LRRC15: variants seen among roughly 807,000 people sequenced by gnomAD.
LRRC15 encodes leucine-rich repeat-containing protein 15.
In LRRC15, 5 loss-of-function variants were observed where a neutral mutation model predicts 4.3. The observed-to-expected ratio is 1.16, with a 90% CI of 0.61 to 2.44. LRRC15 has a LOEUF of 2.44. Among genes scored for constraint, LRRC15 ranks in the 30% most tolerant of loss-of-function variants. The pLI, the probability that LRRC15 is intolerant of heterozygous loss-of-function variation, is 0.01. For synonymous variants in LRRC15, 337 were observed against 323.2 expected, an observed-to-expected ratio of 1.04 and a Z score of -0.46; for missense variants, 769 against 747.0, an observed-to-expected ratio of 1.03 and a Z score of -0.34.
chr3:194,369,077 C>A (rs1477243101), intron 1 of LRRC15, among the ~76,000 whole-genome samples: 1 of 152,206 alleles, frequency 6.6e-6, no homozygotes, highest in Admixed American at 6.5e-5. Context: ...AACTGCAAAC[C>A]AGGGACCAGC....
rs141299685 is a variant in LRRC15 at position 194,359,432 on chromosome 3, C to T, written c.1612G>A (p.Gly538Arg). Reference protein sequence around the residue: ...SVWGMTQAQSGLAIAAIVIGI... With the variant: ...SVWGMTQAQSRLAIAAIVIGI... ...ATTACAATGGCGGCAATGGCCAGCC[C>T]GCTCTGGGCCTGGGTCATGCCCCAA... Residue 538 changes from glycine (G) to arginine (R), a missense_variant, in exon 2 of 2, where the codon GGG becomes AGG. Gly to Arg is a moderately radical substitution (Grantham distance 125, BLOSUM62 -2). Coordinates refer to ENST00000347624, the MANE Select transcript of LRRC15 (RefSeq NM_130830.5). 61 of 1,614,108 alleles carry T rather than the reference C, an allele frequency of 3.8e-5. No homozygotes were observed. The highest frequency in any genetic ancestry group is 1.6e-4 in the African/African-American group (12 of 74,960).
chr3:194,358,011 G>T lies in LRRC15; in HGVS notation c.*1287C>A, dbSNP rs1010070017. On this transcript the variant is annotated 3_prime_UTR_variant, in exon 2 of 2. Coordinates refer to ENST00000347624, the MANE Select transcript of LRRC15 (RefSeq NM_130830.5). ...CTGCAGTCAGGATGCTTCTGACCTG[G>T]CCAGCCATGGTGCCCCAGGTCTCAG... 6.6e-6 allele frequency: 1 copy of T among 152,302 alleles called. No homozygotes were observed. Among genetic ancestry groups the T allele is most frequent in the African/African-American group, 2.4e-5 (1 of 41,456 alleles). The allele number at this position is 152,302 out of a possible 1,614,324, so 9.4% of individuals were successfully genotyped here. A position where few individuals can be genotyped will look rare whatever the true frequency, so the allele number is the denominator to read the frequency against.
Position 194,360,928 on chromosome 3 carries a change from C to T in LRRC15, c.116G>A (p.Cys39Tyr), listed in dbSNP as rs374709723. 6.3e-7 allele frequency: 1 copy of T among 1,597,508 alleles called. No individual in the cohort carries two copies. The highest frequency in any genetic ancestry group is 8.5e-7 in the Non-Finnish European group (1 of 1,172,950). The change falls in exon 2 of 2, where the codon TGC becomes TAC. Residue 39 changes from cysteine (C) to tyrosine (Y), a missense_variant. Transcript: ENST00000347624. ...CTCSRASQVE[C>Y]TGARIVAVPT... ...CACTGCCACAATGCGTGCCCCGGTG[C>T]ACTCCACCTGGGAGGCCCTGGAGCA...
chr3:194,362,639 C>G (rs1713663051), intron 1 of LRRC15, among the ~76,000 whole-genome samples: 1 of 152,168 alleles, frequency 6.6e-6, no homozygotes, highest in African/African-American at 2.4e-5. Context: ...CTCCAGACCC[C>G]TGAGGAAGTA....
chr3:194,365,504 C>T (rs1560047777), intron 1 of LRRC15, among the ~76,000 whole-genome samples: 1 of 152,154 alleles, frequency 6.6e-6, no homozygotes, highest in Non-Finnish European at 1.5e-5. Context: ...TGGAGGGAGG[C>T]TGGAAGACCA....
chr3:194,360,472 C>T lies in LRRC15; in HGVS notation c.572G>A (p.Arg191Lys). The part of the protein sequence containing the change: ...GKNSLTHISP[R>K]VFQHLGNLQV... Reference sequence around the variant, plus strand: ...GAGGTTGCCCAGGTGCTGGAAGACCCTGGGTGAGATGTGGGTGAGGCTATT... The same window carrying T: ...GAGGTTGCCCAGGTGCTGGAAGACCTTGGGTGAGATGTGGGTGAGGCTATT... The change falls in exon 2 of 2, where the codon AGG becomes AAG. Residue 191 changes from arginine to lysine, a missense_variant. Transcript: ENST00000347624. The T allele has an allele frequency of 6.2e-7, 1 of 1,614,126 alleles. No homozygotes were observed. The highest frequency in any genetic ancestry group is 8.5e-7 in the Non-Finnish European group (1 of 1,180,014).
chr3:194,367,795 G>T (rs1049197029), intron 1 of LRRC15, among the ~76,000 whole-genome samples: 4 of 152,236 alleles, frequency 2.6e-5, no homozygotes, highest in South Asian at 4.1e-4. Context: ...GCGGGGACCC[G>T]CGTCTCTCAT....
rs116058101 is a variant in LRRC15, at chr3:194,359,595, A to T, written c.1449T>A (p.Ser483Arg). Residue 483 changes from serine to arginine, a missense_variant, in exon 2 of 2, where the codon AGT becomes AGA. Ser to Arg is a moderately radical substitution (Grantham distance 110, BLOSUM62 -1). Coordinates refer to ENST00000347624, the MANE Select transcript of LRRC15 (RefSeq NM_130830.5). ...VPSVHVPEVP[S>R]YPETPWYPDT... is the part of the protein sequence containing the mutation. Reference sequence around the variant, plus strand: ...CTGGGTACCATGGTGTTTCTGGGTAACTAGGCACCTCGGGGACATGGACGC... The same window carrying T: ...CTGGGTACCATGGTGTTTCTGGGTATCTAGGCACCTCGGGGACATGGACGC... The T allele has an allele frequency of 6.4e-4, 1,029 of 1,613,838 alleles. 8 individuals are homozygous for T. The African/African-American group carries it at 0.012, about 19-fold the overall frequency.
chr3:194,359,292 G>A lies in LRRC15; in HGVS notation c.*6C>T. On this transcript the variant is annotated 3_prime_UTR_variant, in exon 2 of 2. Transcript: ENST00000347624. ...TCATTCCCCAGCCCTGCTCCAGCCT[G>A]CCTCTTTAACACTCATTGGGTGCCT... The A allele has an allele frequency of 6.5e-7, 1 of 1,547,662 alleles. No individual in the cohort carries two copies. The highest frequency in any genetic ancestry group is 8.7e-7 in the Non-Finnish European group (1 of 1,145,448).
In LRRC15 at chr3:194,358,667, TC is replaced by T. The variant is rs148617501; in HGVS notation, c.*630del. 0.018 allele frequency: 2,713 copies of T among 152,752 alleles called. 25 individuals carry two copies. Among genetic ancestry groups the T allele is most frequent in the Middle Eastern group, 0.041 (12 of 294 alleles). The allele number at this position is 152,752 out of a possible 1,614,324, so 9.5% of individuals were successfully genotyped here. A position where few individuals can be genotyped will look rare whatever the true frequency, so the allele number is the denominator to read the frequency against. ...CTCCAGGAACTGAGCGGCATGATTT[TC>T]CTTCTCTCTTTCATAGCATCCCCAA... On this transcript the variant is annotated 3_prime_UTR_variant, in exon 2 of 2. Coordinates refer to ENST00000347624, the MANE Select transcript of LRRC15 (RefSeq NM_130830.5).
rs1713565602 is a variant in LRRC15, at chr3:194,360,096, G to A, written c.948C>T (p.Leu316=). 1.9e-6 allele frequency: 3 copies of A among 1,614,256 alleles called. No homozygotes were observed. The highest frequency in any genetic ancestry group is 2.5e-6 in the Non-Finnish European group (3 of 1,180,046). The change falls in exon 2 of 2, where the codon CTC becomes CTT. Residue 316 remains leucine (L), a synonymous_variant. Transcript: ENST00000347624. ...SSLPDNVFSN[L]RQLQVLILSR... ...TAAGAATCAGGACCTGCAACTGGCG[G>A]AGGTTGCTGAAGACATTGTCGGGTA... is the stretch of plus-strand genomic sequence containing the variant.
In LRRC15 at chr3:194,358,947, T is replaced by C; in HGVS notation, c.*351A>G. On this transcript the variant is annotated 3_prime_UTR_variant, in exon 2 of 2. Coordinates refer to ENST00000347624, the MANE Select transcript of LRRC15 (RefSeq NM_130830.5). Reference sequence around the variant, plus strand: ...GTGAGCAGGCTGTGGACTAACTGAGTCTACAGAGGCCCGGAGGGGGCCTGG... The same window carrying C: ...GTGAGCAGGCTGTGGACTAACTGAGCCTACAGAGGCCCGGAGGGGGCCTGG... The C allele has an allele frequency of 4.5e-6, 1 of 220,988 alleles. No homozygotes were observed. The highest frequency in any genetic ancestry group is 9.0e-6 in the Non-Finnish European group (1 of 111,046). The allele number at this position is 220,988 out of a possible 1,614,324, so 13.7% of individuals were successfully genotyped here. A position where few individuals can be genotyped will look rare whatever the true frequency, so the allele number is the denominator to read the frequency against.
intron 1 of LRRC15, among the ~76,000 whole-genome samples, chr3:194,361,942 T>C (rs1001209736): frequency 7.2e-5 from 11 of 152,166 alleles, no homozygotes; most frequent in African/African-American, 2.4e-4. Context: ...GAAGCCAGCC[T>C]TGTGGGTATA....
intron 1 of LRRC15, chr3:194,363,281 T>C (rs930981475): frequency 1.1e-5 from 7 of 663,374 alleles, no homozygotes; most frequent in South Asian, 1.7e-5. Context: ...ATGGAAGCCC[T>C]GACCTGCTAT....
intron 1 of LRRC15, among the ~76,000 whole-genome samples, chr3:194,368,289 G>GGCTGGA (rs1446895643): frequency 6.6e-6 from 1 of 151,994 alleles, no homozygotes; most frequent in Non-Finnish European, 1.5e-5. Flanking sequence ...TATTCTCCAC[G>GGCTGGA]GCTGGATCTA....
At position 194,359,656 on chromosome 3, in the gene LRRC15, G is replaced by A; in HGVS notation, c.1388C>T (p.Ser463Phe). ...CFSPANVRGQ[S>F]LIIINVNVAV... ...AACGTTGACATTGATGATAATGAGGGACTGGCCTCGGACATTGGCTGGGCT... is the reference window on the plus strand; with the variant it reads ...AACGTTGACATTGATGATAATGAGGAACTGGCCTCGGACATTGGCTGGGCT... The change falls in exon 2 of 2, where the codon TCC (serine) becomes TTC (phenylalanine). Residue 463 changes from serine to phenylalanine, a missense_variant. Coordinates refer to ENST00000347624, the MANE Select transcript of LRRC15 (RefSeq NM_130830.5). 2 of 1,614,132 alleles carry A rather than the reference G, an allele frequency of 1.2e-6. No homozygotes were observed. Among genetic ancestry groups the A allele is most frequent in the Admixed American group, 3.3e-5 (2 of 60,010 alleles).
Position 194,360,178 on chromosome 3 carries a change from A to G in LRRC15, c.866T>C (p.Phe289Ser). The change falls in exon 2 of 2, where the codon TTC (phenylalanine) becomes TCC (serine). Residue 289 changes from phenylalanine (F) to serine (S), a missense_variant. Coordinates refer to ENST00000347624, the MANE Select transcript of LRRC15 (RefSeq NM_130830.5). Reference sequence around the variant, plus strand: ...CTCCCGCAGGTTGGGCATGGGCCCGAAGATCCCCGGAGAGAGCTCCTTCAG... The same window carrying G: ...CTCCCGCAGGTTGGGCATGGGCCCGGAGATCCCCGGAGAGAGCTCCTTCAG... ...NSLKELSPGI[F>S]GPMPNLRELW... The G allele has an allele frequency of 3.1e-6, 5 of 1,613,848 alleles. No homozygotes were observed. The highest frequency in any genetic ancestry group is 4.2e-6 in the Non-Finnish European group (5 of 1,179,746).
At position 194,356,642 on chromosome 3, in the gene LRRC15, T is replaced by A. The variant is rs1296055523; in HGVS notation, c.*2656A>T. The A allele has an allele frequency of 2.0e-5, 3 of 152,298 alleles. No individual in the cohort carries two copies. The highest frequency in any genetic ancestry group is 4.4e-5 in the Non-Finnish European group (3 of 68,084). 9.4% of individuals were successfully genotyped at this position (152,298 alleles called of 1,614,324 possible). ...TCACCTAGGGTGCTCCTGGGTGGTG[T>A]CATCTGAGGACAGTGGCCCTCAGGT... On this transcript the variant is annotated 3_prime_UTR_variant, in exon 2 of 2. Coordinates refer to ENST00000347624, the MANE Select transcript of LRRC15 (RefSeq NM_130830.5).
chr3:194,359,868 C>T lies in LRRC15; in HGVS notation c.1176G>A (p.Met392Ile). ...GCTGGTTGTTCTGCAGCTGGATGGC[C>T]ATGAGGCCATTGACGTTGGCGAAGA... ...GNIFANVNGL[M>I]AIQLQNNQLE... is the part of the protein sequence containing the mutation. Residue 392 changes from methionine (M) to isoleucine (I), a missense_variant, in exon 2 of 2, where the codon ATG becomes ATA. Physicochemically the swap from Met to Ile is conservative, Grantham distance 10. Transcript: ENST00000347624. 6.2e-7 allele frequency: 1 copy of T among 1,614,158 alleles called. No individual in the cohort carries two copies. Among genetic ancestry groups the T allele is most frequent in the Non-Finnish European group, 8.5e-7 (1 of 1,180,026 alleles).
Sources: allele counts gnomAD v4.1 joint callset (sites outside exome capture counted in the v4.1 genomes callset), GRCh38; gene constraint gnomAD v4.1.1; transcripts MANE v1.5; gene names NCBI Gene and HGNC (gene_info 2026-07-23, HGNC 2026-07-21).